Variants in PTPRN2 observed in about 807,000 individuals in gnomAD.
PTPRN2 encodes receptor-type tyrosine-protein phosphatase N2.
A neutral mutation model predicts 118.8 loss-of-function variants in PTPRN2; 74 were observed. The observed-to-expected ratio is 0.62, with a 90% CI of 0.52 to 0.76. PTPRN2 has a LOEUF of 0.76. Among genes scored for constraint, PTPRN2 ranks in the 30% least tolerant of loss-of-function variants. The pLI is 0.00. For missense variants in PTPRN2, 1,481 were observed against 1,394.4 expected (o/e 1.06, Z -0.99); for synonymous variants, 641 against 608.0 (o/e 1.05, Z -0.80).
intron 12 of PTPRN2, among the ~76,000 whole-genome samples, chr7:157,761,994 G>T (rs1334874280): frequency 6.6e-6 from 1 of 152,082 alleles, no homozygotes; most frequent in Non-Finnish European, 1.5e-5. Context: ...CATGAAAAAA[G>T]GCTCATCATC....
rs978567616 is a variant in PTPRN2 at position 157,671,720 on chromosome 7, A to T, written c.2001+11005T>A. ...GCTGCTTCTCCATTTTCGGAACTGC[A>T]CGTCGTTCTGGGGCCCAATTATTCT... On this transcript the variant is annotated intron_variant, in intron 13 of 22. Transcript: ENST00000389418. This position sits in a 1 kb window ranked among gnomAD's most constrained non-coding sequence, Gnocchi z 4.1. Among the ~76,000 whole-genome samples, 2 of 152,084 alleles carry T rather than the reference A, an allele frequency of 1.3e-5. No individual in the cohort carries two copies. The highest frequency in any genetic ancestry group is 2.4e-5 in the African/African-American group (1 of 41,402).
In PTPRN2 at chr7:157,953,934, CAT is replaced by C. The variant is rs1309902103; in HGVS notation, c.1724-55199_1724-55198del. ...TGGAATGCACAAACGCTTGAAGATG[CAT>C]GTGTGTTAGAGTCTCTTCCACAGAA... On this transcript the variant is annotated intron_variant, in intron 11 of 22. Transcript: ENST00000389418. This position sits in a 1 kb window ranked among gnomAD's most constrained non-coding sequence, Gnocchi z 4.6. Among the ~76,000 whole-genome samples the C allele has an allele frequency of 1.3e-5, 2 of 152,222 alleles. No homozygotes were observed. Among genetic ancestry groups the C allele is most frequent in the African/African-American group, 4.8e-5 (2 of 41,448 alleles).
chr7:158,310,276 A>C (rs1255143970), intron 3 of PTPRN2, among the ~76,000 whole-genome samples: 1 of 152,242 alleles, frequency 6.6e-6, no homozygotes, highest in Non-Finnish European at 1.5e-5. Context: ...AATTTTTAAA[A>C]GTGCTTGTGT....
At chr7:157,866,858 C>A (rs1810719417) in intron 12 of PTPRN2, among the ~76,000 whole-genome samples, 1 of 118,526 alleles carries the variant, frequency 8.4e-6, no homozygotes, top group African/African-American at 3.3e-5. Flanking sequence ...GGATACACGG[C>A]CACCACCCCG....
chr7:158,547,155 T>A (rs1826339163), intron 1 of PTPRN2, among the ~76,000 whole-genome samples: 1 of 152,218 alleles, frequency 6.6e-6, no homozygotes, highest in African/African-American at 2.4e-5. Flanking sequence ...AACTTTTTTT[T>A]AACTGTGGTA....
chr7:157,600,172 C>T (rs1450584007), intron 16 of PTPRN2, among the ~76,000 whole-genome samples: 8 of 108,582 alleles, frequency 7.4e-5, no homozygotes, highest in Non-Finnish European at 1.1e-4. Context: ...TCTCCACCTG[C>T]CCACCTCTCC....
chr7:158,071,747 CAT>C (rs1811824044), intron 11 of PTPRN2, among the ~76,000 whole-genome samples: 10 of 74,826 alleles, frequency 1.3e-4, no homozygotes, highest in African/African-American at 7.3e-4. Context: ...TGGAGGTGCT[CAT>C]GGTGGAGGTG....
At chr7:157,919,261 A>G (rs1194042531) in intron 11 of PTPRN2, among the ~76,000 whole-genome samples, 1 of 152,240 alleles carries the variant, frequency 6.6e-6, no homozygotes, top group Admixed American at 6.5e-5. Context: ...CTAATAAATT[A>G]GAAATTAATA....
intron 14 of PTPRN2, among the ~76,000 whole-genome samples, chr7:157,647,121 A>G (rs1235945944): frequency 8.6e-6 from 1 of 116,630 alleles, no homozygotes; most frequent in Non-Finnish European, 1.8e-5. Context: ...TCCAGCATGC[A>G]CTGAACTTGG....
chr7:158,174,398 T>G (rs1339515283), intron 5 of PTPRN2, among the ~76,000 whole-genome samples: 1 of 151,556 alleles, frequency 6.6e-6, no homozygotes, highest in Non-Finnish European at 1.5e-5. Context: ...ATCTTCACCA[T>G]CCACAGCAGC....
At position 157,794,756 on chromosome 7, in the gene PTPRN2, C is replaced by T. The variant is rs189460911; in HGVS notation, c.1788+103917G>A. ...TAAATGTGTGGAGTTGTGGAGACAG[C>T]TCACCAGCAGAACAGTGAGCTACCT... On this transcript the variant is annotated intron_variant, in intron 12 of 22. Transcript: ENST00000389418. The surrounding 1 kb of genome is among the most constrained non-coding windows in gnomAD (Gnocchi z 5.2). 3.4e-3 allele frequency among the ~76,000 whole-genome samples: 517 copies of T among 152,330 alleles called. 3 individuals carry two copies. Among genetic ancestry groups the T allele is most frequent in the Non-Finnish European group, 4.9e-3 (336 of 68,040 alleles).
At chr7:158,515,388 T>C (rs1035900513) in intron 1 of PTPRN2, among the ~76,000 whole-genome samples, 1 of 152,120 alleles carries the variant, frequency 6.6e-6, no homozygotes, top group Admixed American at 6.5e-5. Flanking sequence ...GGTTTCTCCA[T>C]GTTGGTCAGG....
intron 9 of PTPRN2, among the ~76,000 whole-genome samples, chr7:158,114,742 C>G (rs965189742): frequency 6.6e-6 from 1 of 152,192 alleles, no homozygotes; most frequent in Non-Finnish European, 1.5e-5. Flanking sequence ...CTGGTCCAGG[C>G]TGGGGTAAGG....
intron 12 of PTPRN2, among the ~76,000 whole-genome samples, chr7:157,693,608 C>T (rs1238508533): frequency 6.6e-6 from 1 of 152,008 alleles, no homozygotes; most frequent in Non-Finnish European, 1.5e-5. Flanking sequence ...TGGCCCTGCC[C>T]GGCCCGAGCG....
At position 158,526,223 on chromosome 7, in the gene PTPRN2, G is replaced by A. The variant is rs1443500387; in HGVS notation, c.113-36438C>T. ...GCGGAATCCAGGGCAGGATTCACTT[G>A]TGTGGCGAAGGGGTCACCCCTCGTG... On this transcript the variant is annotated intron_variant, in intron 1 of 22. Coordinates refer to ENST00000389418, the MANE Select transcript of PTPRN2 (RefSeq NM_002847.5). The surrounding 1 kb of genome is among the most constrained non-coding windows in gnomAD (Gnocchi z 5.2). 6.6e-6 allele frequency among the ~76,000 whole-genome samples: 1 copy of A among 152,200 alleles called. No homozygotes were observed. Among genetic ancestry groups the A allele is most frequent in the Non-Finnish European group, 1.5e-5 (1 of 68,034 alleles).
intron 3 of PTPRN2, among the ~76,000 whole-genome samples, chr7:158,209,281 C>G (rs1034552279): frequency 1.3e-5 from 2 of 151,858 alleles, no homozygotes; most frequent in Non-Finnish European, 2.9e-5. Flanking sequence ...AAAAAAAAGA[C>G]CCAATCATCT....
Position 157,740,839 on chromosome 7 carries a change from C to T in PTPRN2, c.1789-57902G>A, listed in dbSNP as rs966007819. Among the ~76,000 whole-genome samples, 7 of 152,164 alleles carry T rather than the reference C, an allele frequency of 4.6e-5. No homozygotes were observed. The East Asian group carries it at 9.6e-4, about 21-fold the overall frequency. ...GTTCTGATGGATTTGTAAGCAGATT[C>T]GTTCTTCAGATTATAATTAGAGCCG... On this transcript the variant is annotated intron_variant, in intron 12 of 22. Coordinates refer to ENST00000389418, the MANE Select transcript of PTPRN2 (RefSeq NM_002847.5).
rs554767034 is a variant in PTPRN2 at position 158,480,191 on chromosome 7, A to G, written c.163+9544T>C. On this transcript the variant is annotated intron_variant, in intron 2 of 22. Transcript: ENST00000389418. ...CCCTATGGAGGAGTCCATCGGCACC[A>G]TTTTCCCAGCAGCACGTGCTCATCG... Among the ~76,000 whole-genome samples the G allele has an allele frequency of 1.2e-3, 189 of 151,958 alleles. 2 individuals are homozygous for G. Among genetic ancestry groups the G allele is most frequent in the African/African-American group, 4.3e-3 (180 of 41,454 alleles).
chr7:158,330,725 C>A lies in PTPRN2; in HGVS notation c.164-13793G>T, dbSNP rs531403199. 2.6e-5 allele frequency among the ~76,000 whole-genome samples: 3 copies of A among 114,276 alleles called. No homozygotes were observed. In the East Asian group the frequency reaches 8.2e-4, roughly 31 times the overall value. The allele number at this position is 114,276 out of a possible 152,430, so 75.0% of individuals were successfully genotyped here. A position where few individuals can be genotyped will look rare whatever the true frequency, so the allele number is the denominator to read the frequency against. On this transcript the variant is annotated intron_variant, in intron 2 of 22. Coordinates refer to ENST00000389418, the MANE Select transcript of PTPRN2 (RefSeq NM_002847.5). ...CATACTCTCACCATAAGAGCCGACACGTGCAGACGTCACTCACACCCACAC... is the reference window on the plus strand; with the variant it reads ...CATACTCTCACCATAAGAGCCGACAAGTGCAGACGTCACTCACACCCACAC...
Sources: allele counts gnomAD v4.1 joint callset (sites outside exome capture counted in the v4.1 genomes callset), GRCh38; gene constraint gnomAD v4.1.1; non-coding constraint Gnocchi (gnomAD v3.1); transcripts MANE v1.5; gene names NCBI Gene and HGNC (gene_info 2026-07-23, HGNC 2026-07-21).